Variants in METAP1 observed in about 807,000 individuals in gnomAD.
METAP1 encodes the protein methionine aminopeptidase 1.
METAP1 carries 28 observed loss-of-function variants against 53.8 expected under a neutral mutation model. The observed-to-expected ratio is 0.52, with a 90% CI of 0.39 to 0.71. METAP1 has a LOEUF of 0.71. Among genes scored for constraint, METAP1 ranks in the 30% least tolerant of loss-of-function variants. The pLI, the probability that METAP1 is intolerant of heterozygous loss-of-function variation, is 0.00. For synonymous variants in METAP1, 181 were observed against 165.7 expected (o/e 1.09, Z -0.71); for missense variants, 389 against 479.8 (o/e 0.81, Z 1.77).
intron 1 of METAP1, among the ~76,000 whole-genome samples, chr4:98,999,174 C>T (rs896143655): frequency 6.6e-6 from 1 of 152,056 alleles, no homozygotes; most frequent in Non-Finnish European, 1.5e-5. Context: ...CTGCCCTGTT[C>T]TCATTTCCCA....
chr4:99,035,316 TAA>T, intron 3 of METAP1, 82 bp from the exon 4 acceptor site: 1 of 975,490 alleles, frequency 1.0e-6, no homozygotes, highest in African/African-American at 1.6e-5. Context: ...TTAAAACTTC[TAA>T]AAACTTTTGA....
chr4:99,039,394 G>A lies in METAP1; in HGVS notation c.361G>A (p.Ala121Thr). The change falls in exon 5 of 11, where the codon GCT becomes ACT. Residue 121 changes from alanine to threonine, a missense_variant. Physicochemically the swap from Ala to Thr is moderately conservative, Grantham distance 58 (BLOSUM62 0). Coordinates refer to ENST00000296411, the MANE Select transcript of METAP1 (RefSeq NM_015143.3). ...TCCAGGAATGTCTGAATCTGAACAG[G>A]CTCTTAAAGGTACTTCTCAGATTAA... ...HPLGMSESEQ[A>T]LKGTSQIKLL... 6.2e-7 allele frequency: 1 copy of A among 1,608,736 alleles called. No individual in the cohort carries two copies. The highest frequency in any genetic ancestry group is 8.5e-7 in the Non-Finnish European group (1 of 1,176,388).
chr4:99,054,510 C>T (rs751363702), intron 9 of METAP1, among the ~76,000 whole-genome samples: 1 of 152,200 alleles, frequency 6.6e-6, no homozygotes, highest in African/African-American at 2.4e-5. Context: ...AGCAGTAAGA[C>T]TGTTTTACTT....
At chr4:99,011,651 T>C (rs180829927) in intron 1 of METAP1, among the ~76,000 whole-genome samples, 14 of 152,290 alleles carry the variant, frequency 9.2e-5, no homozygotes, top group African/African-American at 3.4e-4. Context: ...TTTCAAAGTA[T>C]GAGCTTGGGC....
chr4:99,011,817 G>A (rs1482020585), intron 1 of METAP1, among the ~76,000 whole-genome samples: 2 of 152,190 alleles, frequency 1.3e-5, no homozygotes, highest in African/African-American at 4.8e-5. Context: ...GCATATGCCT[G>A]TAATCCCAGC....
chr4:99,045,107 T>G, intron 7 of METAP1, 72 bp from the exon 8 acceptor site: 2 of 1,472,332 alleles, frequency 1.4e-6, no homozygotes. Context: ...CTAGATGCTG[T>G]CATGTTGGAA....
At chr4:99,043,733 A>G (rs76886435) in intron 7 of METAP1, among the ~76,000 whole-genome samples, 1,891 of 152,254 alleles carry the variant, frequency 0.012, 39 homozygotes, top group African/African-American at 0.043. Flanking sequence ...AGGCTTTGTT[A>G]TAGATACAGG....
chr4:99,024,010 A>C (rs1309976034), intron 1 of METAP1, among the ~76,000 whole-genome samples: 2 of 152,246 alleles, frequency 1.3e-5, no homozygotes, highest in African/African-American at 4.8e-5. Context: ...CCAAAGAAAG[A>C]AGTAAAAACT....
intron 1 of METAP1, among the ~76,000 whole-genome samples, chr4:99,009,177 C>T (rs1380658287): frequency 3.4e-4 from 51 of 152,158 alleles, no homozygotes; most frequent in Non-Finnish European, 7.3e-5. Flanking sequence ...CTGAAAGTTC[C>T]TTCATGTTGT....
At chr4:99,018,526 C>G (rs529125748) in intron 1 of METAP1, among the ~76,000 whole-genome samples, 1 of 152,128 alleles carries the variant, frequency 6.6e-6, no homozygotes, top group East Asian at 1.9e-4. Flanking sequence ...GGGGGTCCTC[C>G]CATTTGAATG....
intron 3 of METAP1, among the ~76,000 whole-genome samples, chr4:99,034,951 A>G (rs910662101): frequency 2.6e-5 from 4 of 152,184 alleles, no homozygotes; most frequent in Non-Finnish European, 5.9e-5. Flanking sequence ...AAATATTTAA[A>G]TTCTCTTTAC....
chr4:99,045,071 C>T, intron 7 of METAP1, 108 bp from the exon 8 acceptor site: 1 of 1,129,952 alleles, frequency 8.8e-7, no homozygotes, highest in Non-Finnish European at 1.3e-6. Flanking sequence ...TTTGAGAATG[C>T]AGAAGTTGTC....
rs115987439 is a variant in METAP1 at position 99,021,518 on chromosome 4, C to T, written c.115-7349C>T. 3.7e-3 allele frequency among the ~76,000 whole-genome samples: 558 copies of T among 152,074 alleles called. 6 individuals carry two copies. Among genetic ancestry groups the T allele is most frequent in the African/African-American group, 0.012 (514 of 41,454 alleles). ...ATACGAGCCACAAAATTGATGGGCACGGGAATTTGATGTTGTAAAGAAATC... is the reference window on the plus strand; with the variant it reads ...ATACGAGCCACAAAATTGATGGGCATGGGAATTTGATGTTGTAAAGAAATC... On this transcript the variant is annotated intron_variant, in intron 1 of 10. Coordinates refer to ENST00000296411, the MANE Select transcript of METAP1 (RefSeq NM_015143.3).
intron 9 of METAP1, among the ~76,000 whole-genome samples, chr4:99,056,883 G>A (rs1171458224): frequency 2.0e-5 from 3 of 151,736 alleles, no homozygotes; most frequent in African/African-American, 4.8e-5. Flanking sequence ...TTTTATTTTT[G>A]AGAGAGTCTT....
chr4:99,002,078 G>A (rs1216467340), intron 1 of METAP1, among the ~76,000 whole-genome samples: 1 of 152,174 alleles, frequency 6.6e-6, no homozygotes, highest in Non-Finnish European at 1.5e-5. Flanking sequence ...TTGAAATCAA[G>A]TTTTAGTCAT....
intron 1 of METAP1, among the ~76,000 whole-genome samples, chr4:99,005,513 A>G (rs1043424796): frequency 7.9e-5 from 12 of 152,202 alleles, no homozygotes; most frequent in African/African-American, 2.7e-4. Flanking sequence ...TGAAAAGGGA[A>G]TACTTAAACA....
chr4:99,039,338 T>C, intron 4 of METAP1, 36 bp from the exon 5 acceptor site: 1 of 1,231,888 alleles, frequency 8.1e-7, no homozygotes, highest in African/African-American at 1.5e-5. Flanking sequence ...CATCTTTGCA[T>C]TCATTTTGGT....
chr4:99,043,368 A>C lies in METAP1; in HGVS notation c.636A>C (p.Gln212His), dbSNP rs770696171. 6.2e-7 allele frequency: 1 copy of C among 1,600,692 alleles called. No homozygotes were observed. The highest frequency in any genetic ancestry group is 2.3e-5 in the East Asian group (1 of 44,416). The change falls in exon 7 of 11, where the codon CAA (glutamine) becomes CAC (histidine). Residue 212 changes from glutamine to histidine, a missense_variant. By Grantham distance (24) the Gln-to-His change is conservative (BLOSUM62 0). Coordinates refer to ENST00000296411, the MANE Select transcript of METAP1 (RefSeq NM_015143.3). ...GAATACCAGACAGAAGGCCCTTACA[A>C]GAAGGTGACATTGTTAATGGTAAGA... ...CHGIPDRRPL[Q>H]EGDIVNVDIT...
chr4:99,025,302 G>C lies in METAP1; in HGVS notation c.115-3565G>C, dbSNP rs1724483011. 3.4e-6 allele frequency: 3 copies of C among 893,976 alleles called. No homozygotes were observed. In the African/African-American group the frequency reaches 5.4e-5, roughly 16 times the overall value. 55.4% of individuals were successfully genotyped at this position (893,976 alleles called of 1,614,324 possible). Reference sequence around the variant, plus strand: ...AGGACAGCTTGGAGGTTAGAAGCAAGACAGAGTTGGTTAGGTCAGATCTCT... The same window carrying C: ...AGGACAGCTTGGAGGTTAGAAGCAACACAGAGTTGGTTAGGTCAGATCTCT... On this transcript the variant is annotated intron_variant, in intron 1 of 10. Coordinates refer to ENST00000296411, the MANE Select transcript of METAP1 (RefSeq NM_015143.3).
Sources: allele counts gnomAD v4.1 joint callset (sites outside exome capture counted in the v4.1 genomes callset), GRCh38; gene constraint gnomAD v4.1.1; transcripts MANE v1.5; gene names NCBI Gene and HGNC (gene_info 2026-07-23, HGNC 2026-07-21).